The following BMP6 variants were observed in gnomAD, a reference collection of about 807,000 sequenced individuals.
BMP6 encodes the protein bone morphogenetic protein 6, also known as VG-1-R.
A neutral mutation model predicts 54.1 loss-of-function variants in BMP6; 17 were observed. The ratio of observed to expected loss-of-function variants is 0.31; its 90% CI spans 0.22 to 0.47. BMP6 has a LOEUF of 0.47. BMP6 is among the 20% of genes least tolerant of loss of function. The pLI, the probability that BMP6 is intolerant of heterozygous loss-of-function variation, is 1.00. For missense variants in BMP6, 720 were observed against 690.4 expected, an observed-to-expected ratio of 1.04 and a Z score of -0.48; for synonymous variants, 328 against 291.2, an observed-to-expected ratio of 1.13 and a Z score of -1.28.
At chr6:7,779,206 G>A (rs750603125) in intron 1 of BMP6, among the ~76,000 whole-genome samples, 17 of 152,358 alleles carry the variant, frequency 1.1e-4, no homozygotes, top group African/African-American at 3.6e-4. Context: ...AATCCAGTAC[G>A]TTATTGAAGT....
intron 2 of BMP6, among the ~76,000 whole-genome samples, chr6:7,857,900 A>G (rs529218958): frequency 1.3e-5 from 2 of 152,266 alleles, no homozygotes; most frequent in Admixed American, 6.5e-5. Flanking sequence ...TGGTGTGAAC[A>G]TATTAGTGAT....
At chr6:7,795,026 T>TGTTTTTCCA (rs57099158) in intron 1 of BMP6, among the ~76,000 whole-genome samples, 41,392 of 151,854 alleles carry the variant, frequency 0.27, 6,397 homozygotes, top group East Asian at 0.52. Flanking sequence ...GAAACATTTA[T>TGTTTTTCCA]GTTTTTCCAG....
intron 1 of BMP6, among the ~76,000 whole-genome samples, chr6:7,792,612 A>G (rs116588772): frequency 0.013 from 1,981 of 152,326 alleles, 48 homozygotes; most frequent in African/African-American, 0.044. Context: ...AGATGCGTCT[A>G]CATATCTGAA....
At chr6:7,818,118 A>C (rs1193901510) in intron 1 of BMP6, among the ~76,000 whole-genome samples, 1 of 152,254 alleles carries the variant, frequency 6.6e-6, no homozygotes, top group African/African-American at 2.4e-5. Flanking sequence ...AGAATTTACA[A>C]AATACAGAGG....
At chr6:7,799,622 G>A (rs1758239952) in intron 1 of BMP6, among the ~76,000 whole-genome samples, 1 of 151,930 alleles carries the variant, frequency 6.6e-6, no homozygotes, top group African/African-American at 2.4e-5. Flanking sequence ...AACTGGTAAT[G>A]AGCTGGCAGA....
chr6:7,738,528 C>T (rs990212907), intron 1 of BMP6, among the ~76,000 whole-genome samples: 1 of 152,090 alleles, frequency 6.6e-6, no homozygotes, highest in African/African-American at 2.4e-5. Flanking sequence ...GTAGCCCTCC[C>T]GCTTCTGTGC....
chr6:7,858,809 C>G (rs752471061), intron 2 of BMP6, among the ~76,000 whole-genome samples: 8 of 150,192 alleles, frequency 5.3e-5, no homozygotes, highest in Non-Finnish European at 7.4e-5. Flanking sequence ...CATCCTAGAT[C>G]TAAACATTGA....
intron 1 of BMP6, among the ~76,000 whole-genome samples, chr6:7,802,051 C>T (rs950535657): frequency 1.3e-5 from 2 of 152,198 alleles, no homozygotes; most frequent in Non-Finnish European, 2.9e-5. Context: ...GCTTCCTGAA[C>T]ACAGAGGACC....
chr6:7,796,023 G>A (rs1040185557), intron 1 of BMP6, among the ~76,000 whole-genome samples: 1 of 152,166 alleles, frequency 6.6e-6, no homozygotes, highest in Non-Finnish European at 1.5e-5. Context: ...AAAGGTGATA[G>A]AGATTTAGGA....
At chr6:7,792,292 A>T (rs756281644) in intron 1 of BMP6, among the ~76,000 whole-genome samples, 1 of 152,226 alleles carries the variant, frequency 6.6e-6, no homozygotes, top group Admixed American at 6.5e-5. Flanking sequence ...TATTAACCTC[A>T]TCTATAAAAC....
chr6:7,775,471 C>T (rs1425670996), intron 1 of BMP6, among the ~76,000 whole-genome samples: 1 of 152,220 alleles, frequency 6.6e-6, no homozygotes, highest in Non-Finnish European at 1.5e-5. Context: ...CTCCTGCATG[C>T]TCTCAAAGCA....
At chr6:7,865,008 CAG>C (rs1175712990) in intron 4 of BMP6, among the ~76,000 whole-genome samples, 1 of 152,166 alleles carries the variant, frequency 6.6e-6, no homozygotes, top group Non-Finnish European at 1.5e-5. Context: ...ACCTCAGACA[CAG>C]AGGCATCTCT....
chr6:7,729,286 C>G (rs999086902), intron 1 of BMP6, among the ~76,000 whole-genome samples: 1 of 152,136 alleles, frequency 6.6e-6, no homozygotes, highest in African/African-American at 2.4e-5. Flanking sequence ...AATTCCTCCC[C>G]TTGCTCTCTT....
At chr6:7,736,662 A>G (rs890302208) in intron 1 of BMP6, among the ~76,000 whole-genome samples, 1 of 152,234 alleles carries the variant, frequency 6.6e-6, no homozygotes, top group Non-Finnish European at 1.5e-5. Flanking sequence ...AAATATGAGA[A>G]TACAATAATG....
chr6:7,763,637 C>T (rs984436735), intron 1 of BMP6, among the ~76,000 whole-genome samples: 1 of 152,134 alleles, frequency 6.6e-6, no homozygotes, highest in African/African-American at 2.4e-5. Flanking sequence ...CATGGCTGGG[C>T]AGAACCTCTG....
In BMP6 at chr6:7,850,726, G is replaced by A. The variant is rs533320535; in HGVS notation, c.857+5394G>A. 1.1e-4 allele frequency among the ~76,000 whole-genome samples: 17 copies of A among 152,268 alleles called. 1 individual carries two copies. The South Asian group carries it at 2.5e-3, about 22-fold the overall frequency. The stretch of plus-strand genomic sequence containing the variant: ...CGTTTGAGTCATGGTATGAGTACCC[G>A]AGACGATGTGAGATGTAGAAGTTTT... On this transcript the variant is annotated intron_variant, in intron 2 of 6. Coordinates refer to ENST00000283147, the MANE Select transcript of BMP6 (RefSeq NM_001718.6).
chr6:7,831,763 C>G (rs1157449379), intron 1 of BMP6, among the ~76,000 whole-genome samples: 1 of 152,192 alleles, frequency 6.6e-6, no homozygotes, highest in African/African-American at 2.4e-5. Context: ...AGCAGGTTCT[C>G]CAGCTTAGCT....
intron 1 of BMP6, among the ~76,000 whole-genome samples, chr6:7,780,276 G>C (rs530466321): frequency 6.6e-6 from 1 of 151,902 alleles, no homozygotes; most frequent in Non-Finnish European, 1.5e-5. Context: ...GGCTGGGCAC[G>C]GTGGCTCATG....
chr6:7,824,829 T>C (rs371215674), intron 1 of BMP6, among the ~76,000 whole-genome samples: 1 of 152,256 alleles, frequency 6.6e-6, no homozygotes, highest in Non-Finnish European at 1.5e-5. Context: ...CACTTCACTT[T>C]CAGATGGAAT....
Sources: allele counts gnomAD v4.1 joint callset (sites outside exome capture counted in the v4.1 genomes callset), GRCh38; gene constraint gnomAD v4.1.1; transcripts MANE v1.5; gene names NCBI Gene and HGNC (gene_info 2026-07-23, HGNC 2026-07-21).